LEMD3: variants seen among roughly 807,000 people sequenced by gnomAD.
The protein encoded by LEMD3 is LEM domain containing 3, also known as inner nuclear membrane protein Man1.
Under a neutral mutation model 95.2 loss-of-function variants are expected in LEMD3, and 33 were observed. The observed-to-expected ratio is 0.35, with a 90% confidence interval of 0.26 to 0.46. The LOEUF is 0.46. Among genes scored for constraint, LEMD3 ranks in the 20% least tolerant of loss-of-function variants. LEMD3 has a pLI of 1.00. For synonymous variants in LEMD3, 525 were observed against 474.6 expected (o/e 1.11, Z -1.38); for missense variants, 1,210 against 1,192.8 (o/e 1.01, Z -0.21).
intron 4 of LEMD3, among the ~76,000 whole-genome samples, chr12:65,229,263 T>C (rs1431309063): frequency 6.6e-6 from 1 of 152,220 alleles, no homozygotes; most frequent in African/African-American, 2.4e-5. Flanking sequence ...CCATTGTATA[T>C]ATACCACATT....
At chr12:65,233,265 A>C (rs957719383) in intron 4 of LEMD3, among the ~76,000 whole-genome samples, 24 of 152,144 alleles carry the variant, frequency 1.6e-4, no homozygotes, top group African/African-American at 5.3e-4. Context: ...TGGATTCATA[A>C]TCCTTAGCTC....
At position 65,246,475 on chromosome 12, in the gene LEMD3, G is replaced by A. The variant is rs1592466879; in HGVS notation, c.*150G>A. The A allele has an allele frequency of 1.4e-6, 1 of 690,896 alleles. No homozygotes were observed. Among genetic ancestry groups the A allele is most frequent in the East Asian group, 2.7e-5 (1 of 37,106 alleles). 42.8% of individuals were successfully genotyped at this position (690,896 alleles called of 1,614,324 possible). A position where few individuals can be genotyped will look rare whatever the true frequency, so the allele number is the denominator to read the frequency against. ...TCCAGAAGTCTTAAGGTTCCAAAGG[G>A]ATTTAGCAGTGAGGCAGCAATGCTG... On this transcript the variant is annotated 3_prime_UTR_variant, in exon 13 of 13. Coordinates refer to ENST00000308330, the MANE Select transcript of LEMD3 (RefSeq NM_014319.5).
chr12:65,172,070 A>C (rs1868568257), intron 1 of LEMD3, among the ~76,000 whole-genome samples: 1 of 152,190 alleles, frequency 6.6e-6, no homozygotes, highest in African/African-American at 2.4e-5. Context: ...TTCTGAGCAG[A>C]GATTAAGGCC....
chr12:65,222,767 A>G (rs1045286620), intron 4 of LEMD3, among the ~76,000 whole-genome samples: 4 of 151,918 alleles, frequency 2.6e-5, no homozygotes, highest in Non-Finnish European at 5.9e-5. Flanking sequence ...TTTTCTTAAC[A>G]TAGGCTTACC....
At chr12:65,176,862 T>C (rs554312043) in intron 1 of LEMD3, among the ~76,000 whole-genome samples, 3 of 152,330 alleles carry the variant, frequency 2.0e-5, no homozygotes, top group African/African-American at 4.8e-5. Flanking sequence ...TCAGCAAATA[T>C]CTGTTGAATA....
chr12:65,209,806 T>C (rs559508888), intron 1 of LEMD3, among the ~76,000 whole-genome samples: 6 of 152,206 alleles, frequency 3.9e-5, no homozygotes, highest in Admixed American at 6.5e-5. Context: ...ACATGAACTT[T>C]CTTAGAATCA....
chr12:65,214,512 T>C (rs549551486), intron 2 of LEMD3, among the ~76,000 whole-genome samples: 1 of 152,178 alleles, frequency 6.6e-6, no homozygotes, highest in South Asian at 2.1e-4. Flanking sequence ...CTTGGCACTT[T>C]TGATGAGTTT....
At chr12:65,220,201 A>G (rs1293774308) in intron 4 of LEMD3, among the ~76,000 whole-genome samples, 1 of 152,144 alleles carries the variant, frequency 6.6e-6, no homozygotes, top group Non-Finnish European at 1.5e-5. Flanking sequence ...CCTATCCTTA[A>G]CACTTATTTG....
intron 1 of LEMD3, among the ~76,000 whole-genome samples, chr12:65,202,913 A>G (rs1363407049): frequency 6.6e-6 from 1 of 152,060 alleles, no homozygotes; most frequent in Non-Finnish European, 1.5e-5. Flanking sequence ...TATTTCTGAT[A>G]TTAGTAATTT....
chr12:65,196,302 G>C (rs901946168), intron 1 of LEMD3, among the ~76,000 whole-genome samples: 1 of 151,898 alleles, frequency 6.6e-6, no homozygotes, highest in Non-Finnish European at 1.5e-5. Flanking sequence ...GGCAATTTTT[G>C]AGTCTTTTAG....
At chr12:65,187,242 T>C (rs1393947255) in intron 1 of LEMD3, among the ~76,000 whole-genome samples, 1 of 152,106 alleles carries the variant, frequency 6.6e-6, no homozygotes, top group Non-Finnish European at 1.5e-5. Context: ...TTGGGCTCTT[T>C]TGGTTATAAG....
chr12:65,194,242 C>T (rs1250048584), intron 1 of LEMD3, among the ~76,000 whole-genome samples: 1 of 152,130 alleles, frequency 6.6e-6, no homozygotes, highest in East Asian at 1.9e-4. Context: ...ATTCTTGTAA[C>T]CATCCAGTGG....
chr12:65,240,443 C>G (rs1565799926), intron 8 of LEMD3: 1 of 554,760 alleles, frequency 1.8e-6, no homozygotes, highest in Non-Finnish European at 3.2e-6. Context: ...ACCTGGATTT[C>G]TAAGTCATTC....
chr12:65,245,574 C>T, intron 10 of LEMD3, 95 bp from the exon 11 acceptor site: 1 of 854,546 alleles, frequency 1.2e-6, no homozygotes, highest in South Asian at 1.4e-5. Context: ...TAAAACTATA[C>T]CAATTCTAGT....
At chr12:65,219,072 G>A (rs1397957404) in intron 4 of LEMD3, among the ~76,000 whole-genome samples, 1 of 152,118 alleles carries the variant, frequency 6.6e-6, no homozygotes, top group African/African-American at 2.4e-5. Context: ...GATTATAGGC[G>A]TGAGCCACCT....
At position 65,247,861 on chromosome 12, in the gene LEMD3, A is replaced by G. The variant is rs532321672; in HGVS notation, c.*1536A>G. 1 of 152,576 alleles carries G rather than the reference A, an allele frequency of 6.6e-6. No individual in the cohort carries two copies. Among genetic ancestry groups the G allele is most frequent in the African/African-American group, 2.4e-5 (1 of 41,438 alleles). The allele number at this position is 152,576 out of a possible 1,614,324, so 9.5% of individuals were successfully genotyped here. On this transcript the variant is annotated 3_prime_UTR_variant, in exon 13 of 13. Coordinates refer to ENST00000308330, the MANE Select transcript of LEMD3 (RefSeq NM_014319.5). ...GCACCTTGTTTATGAAGAATAAAAAATGATTTGTTATCTGAAGAGAATAAA... is the reference window on the plus strand; with the variant it reads ...GCACCTTGTTTATGAAGAATAAAAAGTGATTTGTTATCTGAAGAGAATAAA...
rs773725716 is a variant in LEMD3, at chr12:65,240,036, A to G, written c.2023+6A>G. The G allele has an allele frequency of 6.3e-6, 10 of 1,584,288 alleles. No individual in the cohort carries two copies. The South Asian group carries it at 8.8e-5, about 14-fold the overall frequency. Reference sequence around the variant, plus strand: ...TATGGTGGTAAAGATTATAGGTATGATATTTGTAAGAATCTCAACTATTTC... The same window carrying G: ...TATGGTGGTAAAGATTATAGGTATGGTATTTGTAAGAATCTCAACTATTTC... On this transcript the variant is annotated splice_donor_region_variant and intron_variant, in intron 7 of 12. Transcript: ENST00000308330.
intron 1 of LEMD3, among the ~76,000 whole-genome samples, chr12:65,190,526 A>G (rs1002946641): frequency 6.6e-5 from 10 of 152,100 alleles, no homozygotes; most frequent in South Asian, 4.1e-4. Context: ...CTTTCAACCA[A>G]TTGCCAATCA....
rs1323779941 is a variant in LEMD3 at position 65,171,365 on chromosome 12, T to C, written c.1522+247T>C. ...TTCAAAACAATTTTTAAAAGAATAT[T>C]ATAAGCTTGTTAGTAAAACTCATTT... On this transcript the variant is annotated intron_variant, in intron 1 of 12. Coordinates refer to ENST00000308330, the MANE Select transcript of LEMD3 (RefSeq NM_014319.5). 1.3e-5 allele frequency: 7 copies of C among 532,950 alleles called. No individual in the cohort carries two copies. In the East Asian group the frequency reaches 2.4e-4, roughly 18 times the overall value. The allele number at this position is 532,950 out of a possible 1,614,324, so 33.0% of individuals were successfully genotyped here.
Sources: gnomAD v4.1 joint callset for allele counts (sites outside exome capture counted in the v4.1 genomes callset) on GRCh38, gnomAD v4.1.1 for gene constraint, MANE v1.5 for transcripts, NCBI Gene and HGNC (gene_info 2026-07-23, HGNC 2026-07-21) for gene names.